Variants in ARG1 observed in about 807,000 individuals in gnomAD.
ARG1 encodes the protein arginase 1.
A neutral mutation model predicts 33.0 loss-of-function variants in ARG1; 20 were observed. The observed-to-expected ratio is 0.61, with a 90% CI of 0.43 to 0.88. The LOEUF (loss-of-function observed/expected upper bound fraction) is 0.88, where lower values mean the gene tolerates loss of function less well. Among genes scored for constraint, ARG1 ranks in the 40% least tolerant of loss-of-function variants. ARG1 has a pLI of 0.00. For synonymous variants in ARG1, 146 were observed against 140.6 expected (o/e 1.04, Z -0.27); for missense variants, 374 against 384.7 (o/e 0.97, Z 0.23).
chr6:131,576,151 A>G (rs1188110726), intron 1 of ARG1, among the ~76,000 whole-genome samples: 3 of 152,306 alleles, frequency 2.0e-5, no homozygotes, highest in East Asian at 3.9e-4. Context: ...CCTGTCCCCA[A>G]CAGTGTTAAG....
chr6:131,578,235 G>C (rs1168703813), intron 2 of ARG1, among the ~76,000 whole-genome samples: 2 of 151,116 alleles, frequency 1.3e-5, no homozygotes, highest in Non-Finnish European at 2.9e-5. Flanking sequence ...AGAACAGAAT[G>C]CTTGGGTAAT....
rs1292418691 is a variant in ARG1, at chr6:131,584,245, A to G, written c.*337A>G. 2.8e-5 allele frequency: 8 copies of G among 282,760 alleles called. No homozygotes were observed. Among genetic ancestry groups the G allele is most frequent in the Non-Finnish European group, 5.4e-5 (8 of 148,030 alleles). The allele number at this position is 282,760 out of a possible 1,614,324, so 17.5% of individuals were successfully genotyped here. ...AGAGTGGGACTCTTGGAATCAGGAG[A>G]CAAAGCTACCACATGTGGAAAGGTA... is the stretch of plus-strand genomic sequence containing the variant. On this transcript the variant is annotated 3_prime_UTR_variant, in exon 8 of 8. Transcript: ENST00000368087.
intron 2 of ARG1, 56 bp downstream of exon 2, chr6:131,576,791 G>C (rs1773634607): frequency 6.8e-7 from 1 of 1,479,390 alleles, no homozygotes; most frequent in South Asian, 1.1e-5. Context: ...CTGAAGGAAA[G>C]AGCAGGCCCC....
At chr6:131,582,481 G>A in intron 4 of ARG1, 140 bp from the exon 5 acceptor site, 1 of 719,196 alleles carries the variant, frequency 1.4e-6, no homozygotes, top group East Asian at 2.8e-5. Flanking sequence ...CTTCTTAATT[G>A]TGTATTATTT....
intron 3 of ARG1, among the ~76,000 whole-genome samples, chr6:131,579,829 CGT>C (rs367611464): frequency 2.7e-5 from 4 of 149,368 alleles, no homozygotes; most frequent in Non-Finnish European, 3.0e-5. Context: ...CTTTGTTTAA[CGT>C]GTGTGTGTGT....
chr6:131,583,691 T>C (rs1774056378), intron 7 of ARG1, 51 bp from the exon 8 acceptor site: 1 of 1,590,322 alleles, frequency 6.3e-7, no homozygotes, highest in Non-Finnish European at 8.6e-7. Flanking sequence ...TGTACTACTT[T>C]CAAAATGTCA....
At chr6:131,582,793 T>G (rs919674483) in intron 5 of ARG1, 78 bp downstream of exon 5, 27 of 1,217,718 alleles carry the variant, frequency 2.2e-5, no homozygotes, top group Non-Finnish European at 3.2e-5. Flanking sequence ...ACCAACTCTA[T>G]GAGAGAAAAT....
At chr6:131,574,844 T>TA (rs907595179) in intron 1 of ARG1, among the ~76,000 whole-genome samples, 16 of 151,892 alleles carry the variant, frequency 1.1e-4, no homozygotes, top group East Asian at 3.9e-4. Flanking sequence ...ACAGTTGGGT[T>TA]AAAAAAAAGC....
At chr6:131,580,393 T>C (rs1429099297) in intron 3 of ARG1, among the ~76,000 whole-genome samples, 5 of 152,222 alleles carry the variant, frequency 3.3e-5, no homozygotes, top group Non-Finnish European at 4.4e-5. Context: ...GCATTATTGC[T>C]TCCACTTCGA....
At chr6:131,579,388 T>G in intron 3 of ARG1, 103 bp downstream of exon 3, 2 of 1,306,494 alleles carry the variant, frequency 1.5e-6, no homozygotes, top group Non-Finnish European at 2.1e-6. Context: ...AGCATTGACC[T>G]ATATTTTATA....
intron 1 of ARG1, chr6:131,574,312 G>A (rs367756244): frequency 3.6e-5 from 58 of 1,613,750 alleles, no homozygotes; most frequent in Non-Finnish European, 4.6e-5. Context: ...AACAAATTGA[G>A]AGAGGCCAGA....
chr6:131,579,229 G>A lies in ARG1; in HGVS notation c.249G>A (p.Lys83=). The change falls in exon 3 of 8, where the codon AAG becomes AAA. Residue 83 remains lysine, a synonymous_variant. Coordinates refer to ENST00000368087, the MANE Select transcript of ARG1 (RefSeq NM_000045.4). ...VGKASEQLAG[K]VAEVKKNGRI... is the part of the protein sequence containing the mutation. ...AAGCAAGCGAGCAGCTGGCTGGCAAGGTGGCAGAAGTCAAGAAGAACGGAA... is the reference window on the plus strand; with the variant it reads ...AAGCAAGCGAGCAGCTGGCTGGCAAAGTGGCAGAAGTCAAGAAGAACGGAA... The A allele has an allele frequency of 6.2e-7, 1 of 1,614,128 alleles. No individual in the cohort carries two copies. The highest frequency in any genetic ancestry group is 8.5e-7 in the Non-Finnish European group (1 of 1,180,030).
Position 131,583,429 on chromosome 6 carries a change from C to G in ARG1, c.740C>G (p.Pro247Arg), listed in dbSNP as rs766077763. The G allele has an allele frequency of 4.3e-6, 7 of 1,614,006 alleles. No individual in the cohort carries two copies. The South Asian group carries it at 7.7e-5, about 18-fold the overall frequency. Reference protein sequence around the residue: ...DPSFTPATGTPVVGGLTYREG... With the variant: ...DPSFTPATGTRVVGGLTYREG... The stretch of plus-strand genomic sequence containing the variant: ...TCTTTCACACCAGCTACTGGCACAC[C>G]AGTCGTGGGAGGTCTGACATACAGA... Residue 247 changes from proline to arginine, a missense_variant, in exon 7 of 8, where the codon CCA becomes CGA. By Grantham distance (103) the Pro-to-Arg change is moderately radical. Transcript: ENST00000368087.
At position 131,576,676 on chromosome 6, in the gene ARG1, T is replaced by A. The variant is rs767211950; in HGVS notation, c.71T>A (p.Val24Glu). The change falls in exon 2 of 8, where the codon GTG (valine) becomes GAG (glutamate). Residue 24 changes from valine (V) to glutamate (E), a missense_variant. Coordinates refer to ENST00000368087, the MANE Select transcript of ARG1 (RefSeq NM_000045.4). ...PFSKGQPRGGVEEGPTVLRKA... is the reference protein window; with the variant it reads ...PFSKGQPRGGEEEGPTVLRKA... ...TTAATTGTTCAGCCACGAGGAGGGGTGGAAGAAGGCCCTACAGTATTGAGA... is the reference window on the plus strand; with the variant it reads ...TTAATTGTTCAGCCACGAGGAGGGGAGGAAGAAGGCCCTACAGTATTGAGA... The A allele has an allele frequency of 6.2e-7, 1 of 1,613,770 alleles. No homozygotes were observed. The highest frequency in any genetic ancestry group is 1.7e-5 in the Admixed American group (1 of 59,950).
intron 3 of ARG1, among the ~76,000 whole-genome samples, chr6:131,580,927 TA>T (rs1349476439): frequency 1.3e-5 from 2 of 152,256 alleles, no homozygotes; most frequent in Non-Finnish European, 2.9e-5. Context: ...TATACTCATT[TA>T]TTTTTTTGGC....
chr6:131,579,041 G>T lies in ARG1; in HGVS notation c.131-70G>T, dbSNP rs1429194256. ...GAATATATGCCTATTTTATACAATT[G>T]AGATCATCCTACACAGACTGATTTA... On this transcript the variant is annotated intron_variant, in intron 2 of 7. Transcript: ENST00000368087. The T allele has an allele frequency of 1.9e-6, 3 of 1,539,500 alleles. No individual in the cohort carries two copies. The East Asian group carries it at 6.9e-5, about 35-fold the overall frequency.
rs866126422 is a variant in ARG1 at position 131,574,306 on chromosome 6, A to G, written c.57+967A>G. The G allele has an allele frequency of 8.1e-6, 13 of 1,613,910 alleles. No homozygotes were observed. The Middle Eastern group carries it at 2.0e-3, about 246-fold the overall frequency. ...TACTCTGACTTTTTACTGCAAAACA[A>G]ATTGAGAGAGGCCAGAGGTTAGAGG... is the stretch of plus-strand genomic sequence containing the variant. On this transcript the variant is annotated intron_variant, in intron 1 of 7. Coordinates refer to ENST00000368087, the MANE Select transcript of ARG1 (RefSeq NM_000045.4).
intron 4 of ARG1, among the ~76,000 whole-genome samples, chr6:131,581,771 T>C (rs1172312478): frequency 1.3e-5 from 2 of 152,208 alleles, no homozygotes; most frequent in Non-Finnish European, 2.9e-5. Context: ...AGTTCTGCAT[T>C]CTTACTGAGT....
chr6:131,576,713 G>C lies in ARG1; in HGVS notation c.108G>C (p.Leu36=). 6.2e-7 allele frequency: 1 copy of C among 1,614,032 alleles called. No homozygotes were observed. Among genetic ancestry groups the C allele is most frequent in the East Asian group, 2.2e-5 (1 of 44,874 alleles). Residue 36 remains leucine (L), a synonymous_variant, in exon 2 of 8, where the codon CTG becomes CTC. Transcript: ENST00000368087. ...CTACAGTATTGAGAAAGGCTGGTCT[G>C]CTTGAGAAACTTAAAGAACAAGGTA... ...EGPTVLRKAG[L]LEKLKEQECD...
Sources: allele counts gnomAD v4.1 joint callset (sites outside exome capture counted in the v4.1 genomes callset), GRCh38; gene constraint gnomAD v4.1.1; transcripts MANE v1.5; gene names NCBI Gene and HGNC (gene_info 2026-07-23, HGNC 2026-07-21).